MEGF6: variants seen among roughly 807,000 people sequenced by gnomAD.
MEGF6 encodes the protein multiple epidermal growth factor-like domains protein 6.
In MEGF6, 184 loss-of-function variants were observed where a neutral mutation model predicts 207.1. The observed-to-expected ratio is 0.89, with a 90% CI of 0.79 to 1.00. The LOEUF (loss-of-function observed/expected upper bound fraction) is 1.00. Among genes scored for constraint, MEGF6 ranks in the 50% least tolerant of loss-of-function variants. MEGF6 has a pLI of 0.00. For missense variants in MEGF6, 2,282 were observed against 2,202.9 expected (o/e 1.04, Z -0.72); for synonymous variants, 1,038 against 910.0 (o/e 1.14, Z -2.53).
At chr1:3,622,251 G>C in the MEGF6 span, among the ~76,000 whole-genome samples, 8 of 152,212 alleles carry the variant, frequency 5.3e-5, no homozygotes, top group African/African-American at 1.9e-4. Flanking sequence ...TTGGAGCATG[G>C]GGGCGATTTC....
In MEGF6 at chr1:3,499,693, A is replaced by G; in HGVS notation, c.2860T>C (p.Leu954=). ...CAGTTGCAGGCACTGCGACAGTCCAATCCAAAGAAGCCGGCCGGGCAGGCT... is the reference window on the plus strand; with the variant it reads ...CAGTTGCAGGCACTGCGACAGTCCAGTCCAAAGAAGCCGGCCGGGCAGGCT... ...EHACPAGFFG[L]DCRSACNCTA... The change falls in exon 23 of 37, where the codon TTG becomes CTG. Residue 954 remains leucine (L), a synonymous_variant. Coordinates refer to ENST00000356575, the MANE Select transcript of MEGF6 (RefSeq NM_001409.4). 4 of 1,603,456 alleles carry G rather than the reference A, an allele frequency of 2.5e-6. No homozygotes were observed. Among genetic ancestry groups the G allele is most frequent in the Non-Finnish European group, 3.4e-6 (4 of 1,176,248 alleles).
At chr1:3,540,880 C>T (rs185707798) in intron 4 of MEGF6, among the ~76,000 whole-genome samples, 114 of 152,304 alleles carry the variant, frequency 7.5e-4, no homozygotes, top group Admixed American at 5.2e-4. Flanking sequence ...GCAGGGACAC[C>T]GACATTCAGG....
intron 3 of MEGF6, among the ~76,000 whole-genome samples, chr1:3,583,393 CG>C (rs1643849695): frequency 2.1e-5 from 2 of 96,998 alleles, no homozygotes; most frequent in African/African-American, 1.1e-4. Flanking sequence ...CACCAGACAA[CG>C]CGCAGCCACC....
intron 14 of MEGF6, among the ~76,000 whole-genome samples, chr1:3,506,694 G>A (rs1291835547): frequency 1.3e-5 from 2 of 152,188 alleles, no homozygotes; most frequent in East Asian, 3.9e-4. Context: ...ATTCTCTCTG[G>A]CTGGGTCCTG....
At position 3,501,221 on chromosome 1, in the gene MEGF6, G is replaced by T; in HGVS notation, c.2402C>A (p.Ala801Asp). 6.2e-7 allele frequency: 1 copy of T among 1,612,204 alleles called. No homozygotes were observed. The highest frequency in any genetic ancestry group is 8.5e-7 in the Non-Finnish European group (1 of 1,179,738). ...GACGAAGCCAGGGAGGCACAGGCAG[G>T]CTCCGGTCTCAGGGTCGCAGCGGGC... ...HAARCDPETG[A>D]CLCLPGFVGS... The change falls in exon 19 of 37, where the codon GCC (alanine) becomes GAC (aspartate). Residue 801 changes from alanine to aspartate, a missense_variant. Ala to Asp is a moderately radical substitution (Grantham distance 126). Coordinates refer to ENST00000356575, the MANE Select transcript of MEGF6 (RefSeq NM_001409.4).
rs1640727872 is a variant in MEGF6 at position 3,498,825 on chromosome 1, G to A, written c.3096C>T (p.Ala1032=). 2 of 1,551,526 alleles carry A rather than the reference G, an allele frequency of 1.3e-6. No individual in the cohort carries two copies. Among genetic ancestry groups the A allele is most frequent in the Non-Finnish European group, 1.7e-6 (2 of 1,147,840 alleles). Residue 1032 remains alanine (A), a splice_region_variant and synonymous_variant, in exon 25 of 37, where the codon GCC becomes GCT. Coordinates refer to ENST00000356575, the MANE Select transcript of MEGF6 (RefSeq NM_001409.4). ...TGTCGCCGTACAGGCCGGCAGGGCAGGCTGGGGCCAGGGAAGAGGGAGCAA... is the reference window on the plus strand; with the variant it reads ...TGTCGCCGTACAGGCCGGCAGGGCAAGCTGGGGCCAGGGAAGAGGGAGCAA... ...PGWMGPSCLQ[A]CPAGLYGDNC... is the part of the protein sequence containing the mutation.
chr1:3,504,311 G>A (rs1487457542), intron 17 of MEGF6, among the ~76,000 whole-genome samples: 2 of 152,172 alleles, frequency 1.3e-5, no homozygotes, highest in African/African-American at 2.4e-5. Flanking sequence ...GTTGGCGGCC[G>A]CTGCGGCAGC....
intron 3 of MEGF6, among the ~76,000 whole-genome samples, chr1:3,590,034 C>T (rs1041251384): frequency 2.0e-5 from 3 of 152,246 alleles, no homozygotes; most frequent in Non-Finnish European, 2.9e-5. Context: ...CAGCTCCTAA[C>T]TGTATGCTGA....
At chr1:3,539,169 G>A (rs1642424364) in intron 4 of MEGF6, among the ~76,000 whole-genome samples, 1 of 152,122 alleles carries the variant, frequency 6.6e-6, no homozygotes, top group African/African-American at 2.4e-5. Context: ...GATGGGGCGT[G>A]GTGGGGAGGC....
chr1:3,505,332 C>G lies in MEGF6; in HGVS notation c.2064G>C (p.Leu688=). 1 of 1,611,306 alleles carries G rather than the reference C, an allele frequency of 6.2e-7. No homozygotes were observed. Among genetic ancestry groups the G allele is most frequent in the East Asian group, 2.2e-5 (1 of 44,814 alleles). The change falls in exon 17 of 37, where the codon CTG becomes CTC. Residue 688 remains leucine (L), a synonymous_variant. Transcript: ENST00000356575. The part of the protein sequence containing the change: ...RGERCQAECE[L]GYFGPGCWQA... Reference sequence around the variant, plus strand: ...GCCAGCACCCCGGCCCAAAGTAGCCCAGCTCACACTCTGCAGGGCGTGAGA... The same window carrying G: ...GCCAGCACCCCGGCCCAAAGTAGCCGAGCTCACACTCTGCAGGGCGTGAGA...
intron 4 of MEGF6, among the ~76,000 whole-genome samples, chr1:3,568,637 G>C (rs1010512666): frequency 6.6e-6 from 1 of 152,104 alleles, no homozygotes; most frequent in African/African-American, 2.4e-5. Flanking sequence ...AGCCACCTCT[G>C]TTGCCCCCAT....
intron 4 of MEGF6, among the ~76,000 whole-genome samples, chr1:3,545,986 C>T (rs1183898818): frequency 2.0e-5 from 3 of 152,202 alleles, no homozygotes; most frequent in Admixed American, 6.5e-5. Context: ...CTGGAGACAG[C>T]GTTGCGTTTG....
In MEGF6 at chr1:3,506,206, C is replaced by T. The variant is rs1396961374; in HGVS notation, c.1820G>A (p.Cys607Tyr). The T allele has an allele frequency of 1.2e-6, 2 of 1,607,516 alleles. No individual in the cohort carries two copies. The highest frequency in any genetic ancestry group is 2.2e-5 in the East Asian group (1 of 44,694). The part of the protein sequence containing the change: ...GCPKGYYGKH[C>Y]RKKCNCANRG... The stretch of plus-strand genomic sequence containing the variant: ...GTTGGCACAGTTGCATTTCTTGCGA[C>T]AGTGCTTGCCATAGTAGCCCTTGGG... The change falls in exon 15 of 37, where the codon TGT (cysteine) becomes TAT (tyrosine). Residue 607 changes from cysteine (C) to tyrosine (Y), a missense_variant. By Grantham distance (194) the Cys-to-Tyr change is radical. Transcript: ENST00000356575.
chr1:3,537,870 G>A (rs1642382480), intron 4 of MEGF6, among the ~76,000 whole-genome samples: 2 of 152,216 alleles, frequency 1.3e-5, no homozygotes, highest in Non-Finnish European at 2.9e-5. Flanking sequence ...AGCTAATGCA[G>A]GGAGAGGGTG....
In MEGF6 at chr1:3,490,081, G is replaced by A. The variant is rs1284819586; in HGVS notation, c.*447C>T. The A allele has an allele frequency of 5.6e-6, 1 of 177,420 alleles. No individual in the cohort carries two copies. Among genetic ancestry groups the A allele is most frequent in the African/African-American group, 2.4e-5 (1 of 41,722 alleles). 11.0% of individuals were successfully genotyped at this position (177,420 alleles called of 1,614,324 possible). A position where few individuals can be genotyped will look rare whatever the true frequency, so the allele number is the denominator to read the frequency against. ...CCCAGGGCTGCAGCGGGCATGTGCA[G>A]TGGCCCATAAATACCTTTACATAAA... is the stretch of plus-strand genomic sequence containing the variant. On this transcript the variant is annotated 3_prime_UTR_variant, in exon 37 of 37. Transcript: ENST00000356575.
intron 4 of MEGF6, among the ~76,000 whole-genome samples, chr1:3,574,568 T>A (rs549665966): frequency 1.8e-3 from 98 of 53,038 alleles, no homozygotes; most frequent in African/African-American, 7.5e-3. Flanking sequence ...TCTGCCCCTT[T>A]GACTGGTGCC....
rs1176790990 is a variant in MEGF6, at chr1:3,499,229, C to T, written c.3003G>A (p.Gln1001=). 6.2e-7 allele frequency: 1 copy of T among 1,606,288 alleles called. No individual in the cohort carries two copies. Among genetic ancestry groups the T allele is most frequent in the South Asian group, 1.1e-5 (1 of 89,506 alleles). ...AGGCCCCGTTAAAGCAGGCACAGGC[C>T]TGGCTGCAATTGTGCCCGTAGGTGT... ...PAHTYGHNCS[Q]ACACFNGASC... is the part of the protein sequence containing the mutation. The change falls in exon 24 of 37, where the codon CAG becomes CAA. Residue 1001 remains glutamine (Q), a synonymous_variant. Transcript: ENST00000356575.
intron 4 of MEGF6, among the ~76,000 whole-genome samples, chr1:3,577,407 A>G (rs75884503): frequency 0.013 from 2,002 of 152,314 alleles, 30 homozygotes; most frequent in African/African-American, 0.04. Context: ...AAGGGAGCAC[A>G]TGGCACTCCT....
intron 4 of MEGF6, among the ~76,000 whole-genome samples, chr1:3,525,821 G>A (rs970570822): frequency 1.3e-5 from 2 of 152,242 alleles, no homozygotes; most frequent in Non-Finnish European, 2.9e-5. Context: ...ATGTGCAGAT[G>A]GCTTCGGGCT....
Sources: gnomAD v4.1 joint callset for allele counts (sites outside exome capture counted in the v4.1 genomes callset) on GRCh38, gnomAD v4.1.1 for gene constraint, MANE v1.5 for transcripts, NCBI Gene and HGNC (gene_info 2026-07-23, HGNC 2026-07-21) for gene names.